DLGAP2: variants seen among roughly 807,000 people sequenced by gnomAD.
The protein encoded by DLGAP2 is DLG associated protein 2.
Under a neutral mutation model 100.3 loss-of-function variants are expected in DLGAP2, and 26 were observed. The observed-to-expected ratio is 0.26, with a 90% CI of 0.19 to 0.36. DLGAP2 has a LOEUF of 0.36. Ranked by LOEUF, DLGAP2 falls within the 10% of genes least tolerant of loss-of-function variation. The probability of loss-of-function intolerance (pLI) is 1.00; values close to 1 mark genes in which losing one functional copy is unlikely to be tolerated. For missense variants in DLGAP2, 1,858 were observed against 1,453.2 expected (o/e 1.28, Z -4.53); for synonymous variants, 886 against 630.1 (o/e 1.41, Z -6.08).
At chr8:1,450,856 A>G (rs759946991) in intron 3 of DLGAP2, among the ~76,000 whole-genome samples, 1 of 152,170 alleles carries the variant, frequency 6.6e-6, no homozygotes, top group Non-Finnish European at 1.5e-5. Context: ...CAAAATCATA[A>G]TATTTATTTT....
intron 3 of DLGAP2, among the ~76,000 whole-genome samples, chr8:1,465,632 C>T (rs1023265616): frequency 6.6e-6 from 1 of 152,216 alleles, no homozygotes; most frequent in Non-Finnish European, 1.5e-5. Flanking sequence ...ACAAAAACCC[C>T]GATCCCAGTG....
At chr8:1,296,910 C>G (rs904654593) in intron 3 of DLGAP2, 1 of 152,902 alleles carries the variant, frequency 6.5e-6, no homozygotes, top group Non-Finnish European at 1.5e-5. Flanking sequence ...TCTGTGTAGG[C>G]TGTGTGGCAC....
chr8:1,242,905 C>T (rs202209384), intron 2 of DLGAP2, among the ~76,000 whole-genome samples: 12 of 144,322 alleles, frequency 8.3e-5, no homozygotes, highest in African/African-American at 2.8e-4. Context: ...CATGGATTGA[C>T]GGATGGATGG....
chr8:1,364,502 C>CCGGGG (rs770226269), intron 3 of DLGAP2, among the ~76,000 whole-genome samples: 4 of 141,518 alleles, frequency 2.8e-5, no homozygotes, highest in African/African-American at 1.1e-4. Flanking sequence ...ATGGGAAGGG[C>CCGGGG]GGGGGGGGTG....
chr8:1,498,694 C>G lies in DLGAP2; in HGVS notation c.107-2672C>G, dbSNP rs1436242900. On this transcript the variant is annotated intron_variant, in intron 3 of 14. Coordinates refer to ENST00000637795, the MANE Select transcript of DLGAP2 (RefSeq NM_001346810.2). ...TGAAATCGGCATTTATAACAATCTA[C>G]TTTAATAAAACGTATGTGAATGTGG... Among the ~76,000 whole-genome samples the G allele has an allele frequency of 3.3e-5, 5 of 152,212 alleles. No homozygotes were observed. In the South Asian group the frequency reaches 8.3e-4, roughly 25 times the overall value.
chr8:1,550,686 G>A (rs935780575), intron 5 of DLGAP2, among the ~76,000 whole-genome samples: 9 of 152,192 alleles, frequency 5.9e-5, no homozygotes, highest in African/African-American at 2.2e-4. Context: ...AAAGAAGGTA[G>A]ATCCCTAGAG....
At chr8:1,506,620 C>A (rs984075468) in intron 4 of DLGAP2, among the ~76,000 whole-genome samples, 1 of 152,058 alleles carries the variant, frequency 6.6e-6, no homozygotes. Flanking sequence ...TTGCCAGTGC[C>A]GGCTCAGGCA....
chr8:936,803 C>T (rs1211219664), intron 2 of DLGAP2, among the ~76,000 whole-genome samples: 1 of 152,158 alleles, frequency 6.6e-6, no homozygotes, highest in African/African-American at 2.4e-5. Flanking sequence ...TGGATGAGAG[C>T]ATTTAGTCAA....
chr8:1,271,529 A>G (rs1291264571), intron 3 of DLGAP2, among the ~76,000 whole-genome samples: 3 of 152,356 alleles, frequency 2.0e-5, no homozygotes, highest in Admixed American at 1.3e-4. Flanking sequence ...CACGAACGAG[A>G]TAGTTGTACA....
At chr8:1,624,845 T>TTCTCTCTCTCTC (rs372888355) in intron 6 of DLGAP2, among the ~76,000 whole-genome samples, 2 of 126,084 alleles carry the variant, frequency 1.6e-5, no homozygotes, top group African/African-American at 3.5e-5. Flanking sequence ...TCCCTTTGCT[T>TTCTCTCTCTCTC]TCTCTCTCTC....
At chr8:1,602,190 T>C (rs1034738078) in intron 6 of DLGAP2, among the ~76,000 whole-genome samples, 1 of 152,226 alleles carries the variant, frequency 6.6e-6, no homozygotes, top group Non-Finnish European at 1.5e-5. Flanking sequence ...TTAATGTTTG[T>C]TGAATGGCCC....
chr8:1,460,786 G>A (rs1798450150), intron 3 of DLGAP2, among the ~76,000 whole-genome samples: 1 of 152,220 alleles, frequency 6.6e-6, no homozygotes, highest in African/African-American at 2.4e-5. Context: ...TTACTAATCA[G>A]AGAAGATACT....
intron 6 of DLGAP2, among the ~76,000 whole-genome samples, chr8:1,601,197 T>C (rs1796611986): frequency 6.6e-6 from 1 of 152,338 alleles, no homozygotes; most frequent in East Asian, 1.9e-4. Flanking sequence ...GTATCACCAG[T>C]GGAGGTTGCC....
At position 1,319,767 on chromosome 8, in the gene DLGAP2, G is replaced by C. The variant is rs529262679; in HGVS notation, c.106+60884G>C. 3.3e-5 allele frequency among the ~76,000 whole-genome samples: 5 copies of C among 152,270 alleles called. No homozygotes were observed. In the South Asian group the frequency reaches 1.0e-3, roughly 32 times the overall value. Reference sequence around the variant, plus strand: ...AGCTTTGGGGGACAGTTTCCAGGCAGGGAGATGTTGTCTGTAAGGGGCCAG... The same window carrying C: ...AGCTTTGGGGGACAGTTTCCAGGCACGGAGATGTTGTCTGTAAGGGGCCAG... On this transcript the variant is annotated intron_variant, in intron 3 of 14. Transcript: ENST00000637795.
chr8:1,191,243 C>T lies in DLGAP2; in HGVS notation c.74-67608C>T, dbSNP rs1279294437. 1.6e-4 allele frequency among the ~76,000 whole-genome samples: 9 copies of T among 56,476 alleles called. No individual in the cohort carries two copies. The South Asian group carries it at 4.4e-3, about 28-fold the overall frequency. 37.1% of individuals were successfully genotyped at this position (56,476 alleles called of 152,430 possible). A position where few individuals can be genotyped will look rare whatever the true frequency, so the allele number is the denominator to read the frequency against. ...CTGGAGTACAGTGGCGCGATCTCGG[C>T]TCACTGCAGCTCCACCTCCCGGGTT... On this transcript the variant is annotated intron_variant, in intron 2 of 14. Transcript: ENST00000637795.
intron 2 of DLGAP2, among the ~76,000 whole-genome samples, chr8:1,030,197 G>A (rs1276371607): frequency 4.6e-5 from 7 of 152,180 alleles, no homozygotes; most frequent in African/African-American, 7.2e-5. Flanking sequence ...TAACAGACCC[G>A]AAAGCAATGA....
chr8:818,385 A>G (rs993675724), intron 1 of DLGAP2, among the ~76,000 whole-genome samples: 8 of 152,238 alleles, frequency 5.3e-5, no homozygotes, highest in Non-Finnish European at 7.4e-5. Context: ...GTCTATTTCC[A>G]GGCAGCCAGT....
chr8:1,025,385 C>T (rs919155600), intron 2 of DLGAP2, among the ~76,000 whole-genome samples: 3 of 152,040 alleles, frequency 2.0e-5, no homozygotes, highest in African/African-American at 4.8e-5. Context: ...TAACTGAGCC[C>T]GGCATTGGGA....
intron 2 of DLGAP2, among the ~76,000 whole-genome samples, chr8:1,102,634 C>T (rs1321842943): frequency 6.6e-6 from 1 of 152,214 alleles, no homozygotes; most frequent in Non-Finnish European, 1.5e-5. Flanking sequence ...TATCTCCCCA[C>T]TGGGCCTGTC....
Sources: allele counts gnomAD v4.1 joint callset (sites outside exome capture counted in the v4.1 genomes callset), GRCh38; gene constraint gnomAD v4.1.1; transcripts MANE v1.5; gene names NCBI Gene and HGNC (gene_info 2026-07-23, HGNC 2026-07-21).